The following PPP1R36 variants were observed in gnomAD, a reference collection of about 807,000 sequenced individuals.
The protein encoded by PPP1R36 is protein phosphatase 1 regulatory subunit 36.
Under a neutral mutation model 53.4 loss-of-function variants are expected in PPP1R36, and 47 were observed. The observed-to-expected ratio is 0.88, with a 90% CI of 0.70 to 1.12. The LOEUF is 1.12. Among genes scored for constraint, PPP1R36 ranks in the 50% most tolerant of loss-of-function variants. PPP1R36 has a pLI of 0.00. For missense variants in PPP1R36, 456 were observed against 513.9 expected, an observed-to-expected ratio of 0.89 and a Z score of 1.09; for synonymous variants, 153 against 170.5, an observed-to-expected ratio of 0.90 and a Z score of 0.80.
At chr14:64,580,273 C>T (rs925174074) in intron 8 of PPP1R36, among the ~76,000 whole-genome samples, 1 of 152,114 alleles carries the variant, frequency 6.6e-6, no homozygotes, top group African/African-American at 2.4e-5. Context: ...TTACTGCACT[C>T]CAACCTGGTG....
rs2080464334 is a variant in PPP1R36 at position 64,589,222 on chromosome 14, AAC to A, written c.1157_1158del (p.Thr386LysfsTer14). On this transcript the variant is annotated frameshift_variant, in exon 12 of 12. Coordinates refer to ENST00000298705, the MANE Select transcript of PPP1R36 (RefSeq NM_172365.3). LOFTEE classifies it low-confidence loss of function (END_TRUNC). ...GCTTCACCCCCTTGATCCAGAAGAA[AAC>A]ACAAAATCATTTGGGAGATATCCTT... ...HTLHPLDPEE[N>X]TKSFGRYPSL... 2 of 1,614,018 alleles carry A rather than the reference AAC, an allele frequency of 1.2e-6. No individual in the cohort carries two copies. The highest frequency in any genetic ancestry group is 4.5e-5 in the East Asian group (2 of 44,894).
At chr14:64,588,020 AG>A in intron 10 of PPP1R36, 83 bp from the exon 11 acceptor site, 1 of 1,306,982 alleles carries the variant, frequency 7.7e-7, no homozygotes, top group Non-Finnish European at 1.1e-6. Flanking sequence ...TTGGGATTAC[AG>A]GCATGAGCCA....
rs1014168793 is a variant in PPP1R36 at position 64,568,385 on chromosome 14, G to A, written c.471G>A (p.Leu157=). 4.5e-6 allele frequency: 7 copies of A among 1,559,900 alleles called. No individual in the cohort carries two copies. The African/African-American group carries it at 9.6e-5, about 21-fold the overall frequency. The change falls in exon 7 of 12, where the codon TTG becomes TTA. Residue 157 remains leucine (L), a synonymous_variant. Coordinates refer to ENST00000298705, the MANE Select transcript of PPP1R36 (RefSeq NM_172365.3). ...KNLDNFLMAL[L]YYLSHYLEKN... The stretch of plus-strand genomic sequence containing the variant: ...TTGATAATTTCCTCATGGCATTATT[G>A]TACTACTTATCCCATTACTTGGAAA...
intron 7 of PPP1R36, among the ~76,000 whole-genome samples, chr14:64,570,820 G>A (rs2080296970): frequency 6.6e-6 from 1 of 152,174 alleles, no homozygotes; most frequent in African/African-American, 2.4e-5. Flanking sequence ...GATGTCAGGT[G>A]ATTAAAAGCC....
In PPP1R36 at chr14:64,552,863, T is replaced by G. The variant is rs747687724; in HGVS notation, c.182+2T>G. The G allele has an allele frequency of 1.2e-6, 2 of 1,612,960 alleles. No homozygotes were observed. Among genetic ancestry groups the G allele is most frequent in the South Asian group, 1.1e-5 (1 of 91,060 alleles). On this transcript the variant is annotated splice_donor_variant, in intron 3 of 11. Transcript: ENST00000298705. LOFTEE classifies it high-confidence loss of function. ...GTGGCTCCTGAAACATCACCCTCAG[T>G]GAGTGTGAGACAGACAGTGAGATAG...
rs767950225 is a variant in PPP1R36 at position 64,565,664 on chromosome 14, C to T, written c.406C>T (p.Arg136Trp). Residue 136 changes from arginine to tryptophan, a missense_variant, in exon 6 of 12, where the codon CGG becomes TGG. Coordinates refer to ENST00000298705, the MANE Select transcript of PPP1R36 (RefSeq NM_172365.3). The stretch of plus-strand genomic sequence containing the variant: ...TTTGCTACAAGATACTGAGATGCAG[C>T]GGATCTGTTCTTTTACAACATTTAT... ...LLLLQDTEMQ[R>W]ICSFTTFMRN... The T allele has an allele frequency of 1.2e-6, 2 of 1,613,334 alleles. No individual in the cohort carries two copies. The highest frequency in any genetic ancestry group is 1.7e-6 in the Non-Finnish European group (2 of 1,179,340).
chr14:64,550,283 G>C (rs1333188080), intron 1 of PPP1R36: 2 of 1,364,092 alleles, frequency 1.5e-6, no homozygotes, highest in Admixed American at 3.2e-5. Flanking sequence ...GGCTCCCTGC[G>C]CAGGTAGTTA....
chr14:64,570,916 C>T (rs1158481460), intron 7 of PPP1R36, among the ~76,000 whole-genome samples: 3 of 152,306 alleles, frequency 2.0e-5, no homozygotes, highest in East Asian at 3.9e-4. Context: ...TTGGGGATTA[C>T]GTACCATACC....
chr14:64,565,560 G>A (rs17824827), intron 5 of PPP1R36, 66 bp from the exon 6 acceptor site: 167,996 of 1,461,818 alleles, frequency 0.11, 10,512 homozygotes, highest in Non-Finnish European at 0.13. Context: ...ATACATAAAC[G>A]TATCTTGTGT....
chr14:64,566,744 C>T (rs1354892634), intron 6 of PPP1R36, among the ~76,000 whole-genome samples: 3 of 152,200 alleles, frequency 2.0e-5, no homozygotes, highest in African/African-American at 7.2e-5. Flanking sequence ...CTGCTTGTGG[C>T]AACTGCCTGA....
intron 7 of PPP1R36, among the ~76,000 whole-genome samples, chr14:64,570,392 G>C (rs897097532): frequency 6.6e-6 from 1 of 152,144 alleles, no homozygotes; most frequent in African/African-American, 2.4e-5. Flanking sequence ...TGAGGCAAGA[G>C]AATCACTTGA....
Position 64,588,137 on chromosome 14 carries a change from A to G in PPP1R36, c.924A>G (p.Lys308=). ...RMMAKRPAIK[K]AINMRSPVMS... is the part of the protein sequence containing the mutation. ...TGGCAAAACGCCCAGCAATTAAAAA[A>G]GCTATCAACATGCGTTCTCCAGTCA... The change falls in exon 11 of 12, where the codon AAA becomes AAG. Residue 308 remains lysine, a synonymous_variant. Transcript: ENST00000298705. 1 of 1,607,326 alleles carries G rather than the reference A, an allele frequency of 6.2e-7. No homozygotes were observed. The highest frequency in any genetic ancestry group is 8.5e-7 in the Non-Finnish European group (1 of 1,175,810).
chr14:64,567,064 C>A (rs1291673793), intron 6 of PPP1R36, among the ~76,000 whole-genome samples: 1 of 152,174 alleles, frequency 6.6e-6, no homozygotes, highest in Admixed American at 6.5e-5. Context: ...GTATTTGGCC[C>A]AGTGTCTGTT....
At position 64,565,368 on chromosome 14, in the gene PPP1R36, AAAG is replaced by A; in HGVS notation, c.283_285del (p.Arg95del). 6.2e-7 allele frequency: 1 copy of A among 1,612,112 alleles called. No homozygotes were observed. Among genetic ancestry groups the A allele is most frequent in the Non-Finnish European group, 8.5e-7 (1 of 1,178,682 alleles). ...ATATTCCAAAACAGGTTGACAGATA[AAAG>A]ACTTGCTGCAAAAGATGATAAGTCA... On this transcript the variant is annotated inframe_deletion, in exon 5 of 12. Transcript: ENST00000298705.
chr14:64,555,087 C>T (rs956041205), intron 3 of PPP1R36, among the ~76,000 whole-genome samples: 1 of 152,156 alleles, frequency 6.6e-6, no homozygotes, highest in African/African-American at 2.4e-5. Context: ...AGAGAATACT[C>T]GCCAGTGGCG....
intron 8 of PPP1R36, among the ~76,000 whole-genome samples, chr14:64,583,034 G>C (rs2080400944): frequency 6.7e-6 from 1 of 148,814 alleles, no homozygotes; most frequent in South Asian, 2.1e-4. Context: ...GGGACTACAA[G>C]GCGTGTGCCA....
chr14:64,589,235 T>C lies in PPP1R36; in HGVS notation c.1166T>C (p.Phe389Ser), dbSNP rs149234804. 480 of 1,613,974 alleles carry C rather than the reference T, an allele frequency of 3.0e-4. 1 individual carries two copies. The African/African-American group carries it at 5.5e-3, about 18-fold the overall frequency. ...PLDPEENTKS[F>S]GRYPSLMENN... is the part of the protein sequence containing the mutation. The stretch of plus-strand genomic sequence containing the variant: ...GATCCAGAAGAAAACACAAAATCAT[T>C]TGGGAGATATCCTTCCTTGATGGAA... Residue 389 changes from phenylalanine (F) to serine (S), a missense_variant, in exon 12 of 12, where the codon TTT (phenylalanine) becomes TCT (serine). Transcript: ENST00000298705.
At position 64,587,346 on chromosome 14, in the gene PPP1R36, G is replaced by T. The variant is rs780577471; in HGVS notation, c.864G>T (p.Lys288Asn). 1.2e-6 allele frequency: 2 copies of T among 1,603,726 alleles called. No individual in the cohort carries two copies. Among genetic ancestry groups the T allele is most frequent in the Admixed American group, 3.4e-5 (2 of 59,462 alleles). ...RREDEESGGE[K>N]KRMTFVQFRR... ...AAGATGAGGAATCAGGAGGGGAAAA[G>T]AAACGCATGACTTTTGTTCAGTTCA... is the stretch of plus-strand genomic sequence containing the variant. Residue 288 changes from lysine (K) to asparagine (N), a missense_variant, in exon 10 of 12, where the codon AAG becomes AAT. By Grantham distance (94) the Lys-to-Asn change is moderately conservative (BLOSUM62 0). Coordinates refer to ENST00000298705, the MANE Select transcript of PPP1R36 (RefSeq NM_172365.3).
intron 8 of PPP1R36, among the ~76,000 whole-genome samples, chr14:64,581,116 C>T (rs562842960): frequency 6.6e-6 from 1 of 152,302 alleles, no homozygotes; most frequent in African/African-American, 2.4e-5. Flanking sequence ...GCAGAAGTTA[C>T]AGGCAAAGTT....
Sources: gnomAD v4.1 joint callset for allele counts (sites outside exome capture counted in the v4.1 genomes callset) on GRCh38, gnomAD v4.1.1 for gene constraint, MANE v1.5 for transcripts, NCBI Gene and HGNC (gene_info 2026-07-23, HGNC 2026-07-21) for gene names.